TDRD7: variants seen among roughly 807,000 people sequenced by gnomAD.
TDRD7 encodes the protein tudor domain-containing protein 7.
Under a neutral mutation model 109.8 loss-of-function variants are expected in TDRD7, and 47 were observed. That is an observed-to-expected ratio of 0.43 (90% CI 0.34 to 0.55). The LOEUF (loss-of-function observed/expected upper bound fraction) is 0.55, where lower values mean the gene tolerates loss of function less well. TDRD7 is among the 20% of genes least tolerant of loss of function. The pLI is 0.03. For missense variants in TDRD7, 1,164 were observed against 1,319.2 expected (o/e 0.88, Z 1.82); for synonymous variants, 424 against 457.3 (o/e 0.93, Z 0.93).
At position 97,415,912 on chromosome 9, in the gene TDRD7, A is replaced by T. The variant is rs556615022; in HGVS notation, c.-7+3674A>T. ...CCGAAAGTTTCAAAAAAAAGTCATCATGAGCCACGTAACAAAACTCAGAGC... is the reference window on the plus strand; with the variant it reads ...CCGAAAGTTTCAAAAAAAAGTCATCTTGAGCCACGTAACAAAACTCAGAGC... On this transcript the variant is annotated intron_variant, in intron 1 of 16. Transcript: ENST00000355295. Among the ~76,000 whole-genome samples the T allele has an allele frequency of 9.8e-5, 15 of 152,388 alleles. 1 individual carries two copies. Among genetic ancestry groups the T allele is most frequent in the African/African-American group, 3.6e-4 (15 of 41,600 alleles).
chr9:97,437,123 C>T (rs1365425751), intron 4 of TDRD7, among the ~76,000 whole-genome samples: 2 of 152,106 alleles, frequency 1.3e-5, no homozygotes, highest in Non-Finnish European at 2.9e-5. Context: ...TTACAGATTA[C>T]CCCAAAGTTA....
At chr9:97,445,058 G>A (rs1828376563) in intron 6 of TDRD7, among the ~76,000 whole-genome samples, 1 of 152,190 alleles carries the variant, frequency 6.6e-6, no homozygotes, top group South Asian at 2.1e-4. Flanking sequence ...AGAACACAGA[G>A]TTATTCACAA....
Position 97,470,158 on chromosome 9 carries a change from G to A in TDRD7, c.1630-400G>A, listed in dbSNP as rs530968565. On this transcript the variant is annotated intron_variant, in intron 8 of 16. Transcript: ENST00000355295. ...ACAAATACTGCTGTCCAGGGAACGG[G>A]TGGAAATGTGTAACTCAAAAAAGAA... 3.3e-5 allele frequency among the ~76,000 whole-genome samples: 5 copies of A among 152,298 alleles called. No homozygotes were observed. The South Asian group carries it at 8.3e-4, about 25-fold the overall frequency.
At chr9:97,461,955 A>G (rs1277138504) in intron 7 of TDRD7, among the ~76,000 whole-genome samples, 2 of 152,232 alleles carry the variant, frequency 1.3e-5, no homozygotes, top group Non-Finnish European at 2.9e-5. Context: ...CTGAGTAGAT[A>G]ATAGAGTGAA....
At position 97,437,403 on chromosome 9, in the gene TDRD7, C is replaced by T. The variant is rs561449818; in HGVS notation, c.564-1842C>T. Among the ~76,000 whole-genome samples the T allele has an allele frequency of 5.1e-4, 77 of 152,346 alleles. 1 individual carries two copies. Among genetic ancestry groups the T allele is most frequent in the South Asian group, 3.7e-3 (18 of 4,828 alleles). On this transcript the variant is annotated intron_variant, in intron 4 of 16. Transcript: ENST00000355295. ...AAAGGCCATCTTCAGTTTCTTGCCA[C>T]ATGGTTCTTCCCAACATGGCCATTT...
At chr9:97,489,074 G>A (rs1175451903) in intron 16 of TDRD7, among the ~76,000 whole-genome samples, 1 of 152,180 alleles carries the variant, frequency 6.6e-6, no homozygotes, top group Non-Finnish European at 1.5e-5. Flanking sequence ...GGTTCGTCTT[G>A]ATGAATGTTC....
intron 4 of TDRD7, among the ~76,000 whole-genome samples, chr9:97,438,114 T>C (rs1159660359): frequency 1.3e-5 from 2 of 152,154 alleles, no homozygotes; most frequent in African/African-American, 2.4e-5. Flanking sequence ...TGTTTTGGGC[T>C]GGTGTGCGGG....
intron 1 of TDRD7, among the ~76,000 whole-genome samples, chr9:97,413,184 T>C (rs1394084070): frequency 6.6e-6 from 1 of 152,166 alleles, no homozygotes; most frequent in Non-Finnish European, 1.5e-5. Flanking sequence ...AAATGTTCTC[T>C]CTAGAGAGAT....
intron 16 of TDRD7, among the ~76,000 whole-genome samples, chr9:97,487,766 C>G (rs766514616): frequency 3.3e-5 from 5 of 151,792 alleles, no homozygotes; most frequent in Non-Finnish European, 5.9e-5. Context: ...CAAGAAAAAC[C>G]CTGCATCTTT....
At position 97,445,950 on chromosome 9, in the gene TDRD7, G is replaced by A. The variant is rs565426930; in HGVS notation, c.855+4075G>A. 3.9e-5 allele frequency among the ~76,000 whole-genome samples: 6 copies of A among 152,152 alleles called. No individual in the cohort carries two copies. The East Asian group carries it at 1.2e-3, about 29-fold the overall frequency. On this transcript the variant is annotated intron_variant, in intron 6 of 16. Coordinates refer to ENST00000355295, the MANE Select transcript of TDRD7 (RefSeq NM_014290.3). ...AGACCAGCCTGGGCAACATAACAAG[G>A]CTCTGTCTCTACAAAAAATAAATTT...
At chr9:97,488,875 C>A (rs1829257197) in intron 16 of TDRD7, among the ~76,000 whole-genome samples, 1 of 152,226 alleles carries the variant, frequency 6.6e-6, no homozygotes, top group African/African-American at 2.4e-5. Flanking sequence ...GCTGAAAATA[C>A]TTTTTCATTT....
rs1284769601 is a variant in TDRD7 at position 97,470,468 on chromosome 9, C to T, written c.1630-90C>T. ...CCACTCTGCCACTCAGCTTGCTGAT[C>T]ATGGAATAAGATTGAGCCAATTAAG... On this transcript the variant is annotated intron_variant, in intron 8 of 16. Coordinates refer to ENST00000355295, the MANE Select transcript of TDRD7 (RefSeq NM_014290.3). 5 of 1,230,636 alleles carry T rather than the reference C, an allele frequency of 4.1e-6. No homozygotes were observed. In the Admixed American group the frequency reaches 5.6e-5, roughly 14 times the overall value. 76.2% of individuals were successfully genotyped at this position (1,230,636 alleles called of 1,614,324 possible). A position where few individuals can be genotyped will look rare whatever the true frequency, so the allele number is the denominator to read the frequency against.
intron 5 of TDRD7, among the ~76,000 whole-genome samples, chr9:97,440,621 CAGAGTCAGCGTCCAAG>C (rs1265575400): frequency 3.3e-5 from 5 of 152,284 alleles, no homozygotes; most frequent in African/African-American, 9.6e-5. Flanking sequence ...GATGGAAGAG[CAGAGTCAGCGTCCAAG>C]TGTCCTCAAG....
intron 1 of TDRD7, among the ~76,000 whole-genome samples, chr9:97,413,069 C>T (rs527646887): frequency 6.6e-6 from 1 of 152,264 alleles, no homozygotes; most frequent in East Asian, 1.9e-4. Context: ...TTCTGATCAC[C>T]GCCCATCCAA....
intron 14 of TDRD7, among the ~76,000 whole-genome samples, chr9:97,481,233 GGATTAAGTCCCCAAC>G (rs1240901197): frequency 2.0e-5 from 3 of 152,038 alleles, no homozygotes; most frequent in African/African-American, 4.8e-5. Context: ...TCATGATAAG[GGATTAAGTCCCCAAC>G]AGAGGGACCA....
intron 5 of TDRD7, 143 bp from the exon 6 acceptor site, chr9:97,441,515 C>T: frequency 1.5e-5 from 10 of 688,932 alleles, no homozygotes; most frequent in Middle Eastern, 4.0e-4. Context: ...CGGTGCTGCT[C>T]TGCCTAATCC....
intron 1 of TDRD7, among the ~76,000 whole-genome samples, chr9:97,420,747 C>G (rs1050295074): frequency 2.6e-5 from 4 of 152,088 alleles, no homozygotes; most frequent in African/African-American, 9.7e-5. Flanking sequence ...TACACACACA[C>G]GTTTCTGTGT....
chr9:97,471,694 C>T (rs1453528468), intron 9 of TDRD7, among the ~76,000 whole-genome samples: 1 of 152,056 alleles, frequency 6.6e-6, no homozygotes, highest in African/African-American at 2.4e-5. Context: ...TTAGAATTGT[C>T]ATATATGTTA....
At chr9:97,450,942 G>A (rs917043743) in intron 6 of TDRD7, among the ~76,000 whole-genome samples, 72 of 150,708 alleles carry the variant, frequency 4.8e-4, no homozygotes, top group Non-Finnish European at 9.9e-4. Context: ...GTGATGACTG[G>A]CAACCCCTAG....
Sources: allele counts gnomAD v4.1 joint callset (sites outside exome capture counted in the v4.1 genomes callset), GRCh38; gene constraint gnomAD v4.1.1; transcripts MANE v1.5; gene names NCBI Gene and HGNC (gene_info 2026-07-23, HGNC 2026-07-21).